Variants in FIGNL1 observed in about 807,000 individuals in gnomAD.
FIGNL1 encodes fidgetin like 1.
Under a neutral mutation model 28.9 loss-of-function variants are expected in FIGNL1, and 11 were observed. The ratio of observed to expected loss-of-function variants is 0.38; its 90% CI spans 0.24 to 0.63. The LOEUF (loss-of-function observed/expected upper bound fraction) is 0.63, where lower values mean the gene tolerates loss of function less well. FIGNL1 is among the 20% of genes least tolerant of loss of function. FIGNL1 has a pLI of 0.57. For missense variants in FIGNL1, 789 were observed against 810.4 expected (o/e 0.97, Z 0.32); for synonymous variants, 295 against 276.5 (o/e 1.07, Z -0.66).
At chr7:50,449,850 AC>A (rs1375409293) in intron 1 of FIGNL1, 127 bp from the exon 2 acceptor site, 1 of 152,250 alleles carries the variant, frequency 6.6e-6, no homozygotes, top group African/African-American at 2.4e-5. Context: ...CCTCACGATG[AC>A]CCCTGAAAGG....
rs946093383 is a variant in FIGNL1 at position 50,447,119 on chromosome 7, T to G, written c.169A>C (p.Lys57Gln). 2 of 1,614,128 alleles carry G rather than the reference T, an allele frequency of 1.2e-6. No individual in the cohort carries two copies. Among genetic ancestry groups the G allele is most frequent in the Admixed American group, 3.3e-5 (2 of 60,014 alleles). ...NSEISQVCAT[K>Q]LFKKYAEKYS... ...TTCTCTGCATATTTTTTGAACAGTT[T>G]GGTAGCACAGACCTGGGAAATCTCA... The change falls in exon 4 of 4, where the codon AAA (lysine) becomes CAA (glutamine). Residue 57 changes from lysine (K) to glutamine (Q), a missense_variant. Transcript: ENST00000433017.
chr7:50,446,627 A>G lies in FIGNL1; in HGVS notation c.661T>C (p.Phe221Leu). The change falls in exon 4 of 4, where the codon TTT becomes CTT. Residue 221 changes from phenylalanine (F) to leucine (L), a missense_variant. By Grantham distance (22) the Phe-to-Leu change is conservative (BLOSUM62 0). Transcript: ENST00000433017. ...ATAKFHVTPLFGNVKKENHSS... is the reference protein window; with the variant it reads ...ATAKFHVTPLLGNVKKENHSS... ...TGATTTTCCTTTTTGACATTTCCAA[A>G]CAATGGTGTGACATGGAATTTTGCA... 6.2e-7 allele frequency: 1 copy of G among 1,614,210 alleles called. No individual in the cohort carries two copies. The highest frequency in any genetic ancestry group is 8.5e-7 in the Non-Finnish European group (1 of 1,180,038).
intron 3 of FIGNL1, chr7:50,447,971 AG>A (rs1355926675): frequency 1.3e-5 from 2 of 152,216 alleles, no homozygotes; most frequent in Non-Finnish European, 2.9e-5. Context: ...TCCTGACCTC[AG>A]GTAATCCACC....
At chr7:50,449,746 T>G (rs553615530) in intron 1 of FIGNL1, 23 bp from the exon 2 acceptor site, 5 of 152,252 alleles carry the variant, frequency 3.3e-5, no homozygotes, top group Non-Finnish European at 7.3e-5. Flanking sequence ...CGCAGCAACA[T>G]CACTGAGCTG....
chr7:50,445,241 G>A lies in FIGNL1; in HGVS notation c.*22C>T, dbSNP rs139162971. On this transcript the variant is annotated 3_prime_UTR_variant, in exon 4 of 4. Transcript: ENST00000433017. ...ATAAAGAAGACTGTACTACAGAGAT[G>A]CCTTGATTCCAAGTATCCCACTTAC... The A allele has an allele frequency of 9.7e-6, 14 of 1,439,978 alleles. No individual in the cohort carries two copies. Among genetic ancestry groups the A allele is most frequent in the Non-Finnish European group, 1.2e-5 (13 of 1,061,930 alleles). 89.2% of individuals were successfully genotyped at this position (1,439,978 alleles called of 1,614,324 possible).
rs747605779 is a variant in FIGNL1 at position 50,445,431 on chromosome 7, A to G, written c.1857T>C (p.Pro619=). 2.5e-6 allele frequency: 4 copies of G among 1,614,188 alleles called. No homozygotes were observed. Among genetic ancestry groups the G allele is most frequent in the Non-Finnish European group, 3.4e-6 (4 of 1,180,004 alleles). Residue 619 remains proline (P), a synonymous_variant, in exon 4 of 4, where the codon CCT becomes CCC. Transcript: ENST00000433017. ...TGTCAGCAGTTTGTAAACTGCGAAT[A>G]GGACCAAGAGAAGCCTCCCTGCAAA... ...TQLCREASLG[P]IRSLQTADIA... is the part of the protein sequence containing the mutation.
chr7:50,444,255 T>C lies in FIGNL1; in HGVS notation c.*1008A>G, dbSNP rs1820224623. On this transcript the variant is annotated 3_prime_UTR_variant, in exon 4 of 4. Coordinates refer to ENST00000433017, the MANE Select transcript of FIGNL1 (RefSeq NM_001287492.4). ...TAAACAAAAGATAAACAACCTAGCG[T>C]CCTGTCCTATATGCGCTCTACCAGA... 6.6e-6 allele frequency: 1 copy of C among 152,250 alleles called. No individual in the cohort carries two copies. The highest frequency in any genetic ancestry group is 1.5e-5 in the Non-Finnish European group (1 of 68,050). The allele number at this position is 152,250 out of a possible 1,614,324, so 9.4% of individuals were successfully genotyped here. A position where few individuals can be genotyped will look rare whatever the true frequency, so the allele number is the denominator to read the frequency against.
At position 50,445,115 on chromosome 7, in the gene FIGNL1, T is replaced by C; in HGVS notation, c.*148A>G. On this transcript the variant is annotated 3_prime_UTR_variant, in exon 4 of 4. Coordinates refer to ENST00000433017, the MANE Select transcript of FIGNL1 (RefSeq NM_001287492.4). ...GCAAAACTTACATTAACATACACTA[T>C]GTCAATCAGATGTAAAATCTGTGCT... 2.0e-6 allele frequency: 1 copy of C among 512,730 alleles called. No homozygotes were observed. The highest frequency in any genetic ancestry group is 3.3e-6 in the Non-Finnish European group (1 of 305,630). 31.8% of individuals were successfully genotyped at this position (512,730 alleles called of 1,614,324 possible).
intron 1 of FIGNL1, 138 bp from the exon 2 acceptor site, chr7:50,449,861 G>A (rs1261568631): frequency 6.6e-6 from 1 of 152,304 alleles, no homozygotes; most frequent in Non-Finnish European, 1.5e-5. Context: ...CCCCTGAAAG[G>A]TATGAGCCCT....
At position 50,446,086 on chromosome 7, in the gene FIGNL1, T is replaced by A; in HGVS notation, c.1202A>T (p.Glu401Val). The A allele has an allele frequency of 1.2e-6, 2 of 1,614,204 alleles. No individual in the cohort carries two copies. The highest frequency in any genetic ancestry group is 1.7e-6 in the Non-Finnish European group (2 of 1,180,020). The change falls in exon 4 of 4, where the codon GAA (glutamate) becomes GTA (valine). Residue 401 changes from glutamate (E) to valine (V), a missense_variant. Glu to Val is a moderately radical substitution (Grantham distance 121). Transcript: ENST00000433017. ...IMDHGPPVNW[E>V]DIAGVEFAKA... ...AGCAAATTCTACTCCTGCAATATCT[T>A]CCCAATTTACTGGAGGTCCATGATC...
chr7:50,447,355 A>C (rs928705468), intron 3 of FIGNL1, 58 bp from the exon 4 acceptor site: 2 of 1,283,958 alleles, frequency 1.6e-6, no homozygotes, highest in South Asian at 3.3e-5. Context: ...AAATACTTTA[A>C]ATGTAATTTT....
rs755328374 is a variant in FIGNL1, at chr7:50,445,633, T to A, written c.1655A>T (p.Asp552Val). 1 of 1,614,134 alleles carries A rather than the reference T, an allele frequency of 6.2e-7. No homozygotes were observed. Residue 552 changes from aspartate to valine, a missense_variant, in exon 4 of 4, where the codon GAT (aspartate) becomes GTT (valine). By Grantham distance (152) the Asp-to-Val change is radical. Transcript: ENST00000433017. ...CACCAATCTTCTCCGGGCAGCCTCA[T>A]CAATTTCTTGTGGCCGATTTGTTGC... Reference protein sequence around the residue: ...VGATNRPQEIDEAARRRLVKR... With the variant: ...VGATNRPQEIVEAARRRLVKR...
Position 50,446,821 on chromosome 7 carries a change from C to T in FIGNL1, c.467G>A (p.Ser156Asn), listed in dbSNP as rs1554405882. 1 of 1,613,984 alleles carries T rather than the reference C, an allele frequency of 6.2e-7. No individual in the cohort carries two copies. The highest frequency in any genetic ancestry group is 1.3e-5 in the African/African-American group (1 of 74,932). Residue 156 changes from serine (S) to asparagine (N), a missense_variant, in exon 4 of 4, where the codon AGT (serine) becomes AAT (asparagine). Coordinates refer to ENST00000433017, the MANE Select transcript of FIGNL1 (RefSeq NM_001287492.4). ...FDLPKFSVCG[S>N]SQESDSLPNS... Reference sequence around the variant, plus strand: ...AGGTAATGAGTCACTCTCTTGAGAACTACCACAAACACTAAATTTAGGAAG... The same window carrying T: ...AGGTAATGAGTCACTCTCTTGAGAATTACCACAAACACTAAATTTAGGAAG...
chr7:50,447,672 T>G (rs1316344611), intron 3 of FIGNL1, among the ~76,000 whole-genome samples: 1 of 152,236 alleles, frequency 6.6e-6, no homozygotes, highest in Non-Finnish European at 1.5e-5. Context: ...TTAAGTCTGA[T>G]CTATAAAACT....
chr7:50,445,909 G>C lies in FIGNL1; in HGVS notation c.1379C>G (p.Ala460Gly), dbSNP rs1820664422. 6.2e-7 allele frequency: 1 copy of C among 1,613,966 alleles called. No individual in the cohort carries two copies. Among genetic ancestry groups the C allele is most frequent in the South Asian group, 1.1e-5 (1 of 91,090 alleles). ...IGKCIASQSGATFFSISASSL... is the reference protein window; with the variant it reads ...IGKCIASQSGGTFFSISASSL... Reference sequence around the variant, plus strand: ...TGAAGCAGAGATGCTAAAGAATGTTGCCCCAGACTGACTAGCAATGCACTT... The same window carrying C: ...TGAAGCAGAGATGCTAAAGAATGTTCCCCCAGACTGACTAGCAATGCACTT... The change falls in exon 4 of 4, where the codon GCA becomes GGA. Residue 460 changes from alanine (A) to glycine (G), a missense_variant. Transcript: ENST00000433017.
At chr7:50,448,585 A>C (rs916834393) in intron 2 of FIGNL1, 1 of 152,250 alleles carries the variant, frequency 6.6e-6, no homozygotes, top group Non-Finnish European at 1.5e-5. Context: ...TGCTAGATAT[A>C]TAGAATTTAC....
In FIGNL1 at chr7:50,445,897, C is replaced by A; in HGVS notation, c.1391G>T (p.Ser464Ile). Reference sequence around the variant, plus strand: ...AGAAGTTAAGGATGAAGCAGAGATGCTAAAGAATGTTGCCCCAGACTGACT... The same window carrying A: ...AGAAGTTAAGGATGAAGCAGAGATGATAAAGAATGTTGCCCCAGACTGACT... ...IASQSGATFF[S>I]ISASSLTSKW... Residue 464 changes from serine (S) to isoleucine (I), a missense_variant, in exon 4 of 4, where the codon AGC becomes ATC. Ser to Ile is a moderately radical substitution (Grantham distance 142). Coordinates refer to ENST00000433017, the MANE Select transcript of FIGNL1 (RefSeq NM_001287492.4). 2 of 1,614,094 alleles carry A rather than the reference C, an allele frequency of 1.2e-6. No homozygotes were observed. The highest frequency in any genetic ancestry group is 1.7e-6 in the Non-Finnish European group (2 of 1,180,026).
rs557854214 is a variant in FIGNL1 at position 50,446,338 on chromosome 7, G to C, written c.950C>G (p.Ser317Ter). 1.2e-6 allele frequency: 2 copies of C among 1,614,124 alleles called. No homozygotes were observed. The highest frequency in any genetic ancestry group is 2.2e-5 in the South Asian group (2 of 91,080). ...QKKYHQPQRA[S>*]GSSYGGVKKS... ...TTTTACACCACCATATGAAGACCCT[G>C]ATGCACGCTGAGGTTGGTGGTACTT... Residue 317 changes from serine to a stop codon, truncating the protein, a stop_gained, in exon 4 of 4, where the codon TCA (serine) becomes TGA (stop). Transcript: ENST00000433017. LOFTEE classifies it high-confidence loss of function.
At chr7:50,448,417 C>A (rs1042856810) in intron 2 of FIGNL1, 128 bp from the exon 3 acceptor site, 2 of 152,328 alleles carry the variant, frequency 1.3e-5, no homozygotes, top group Admixed American at 1.3e-4. Flanking sequence ...TTCCTAATTT[C>A]ACATAATTAT....
Sources: gnomAD v4.1 joint callset for allele counts (sites outside exome capture counted in the v4.1 genomes callset) on GRCh38, gnomAD v4.1.1 for gene constraint, MANE v1.5 for transcripts, NCBI Gene and HGNC (gene_info 2026-07-23, HGNC 2026-07-21) for gene names.